Variants in PDZRN3 observed in about 807,000 individuals in gnomAD.
PDZRN3 encodes the protein E3 ubiquitin-protein ligase PDZRN3.
A neutral mutation model predicts 85.7 loss-of-function variants in PDZRN3; 38 were observed. That is an observed-to-expected ratio of 0.44 (90% confidence interval 0.34 to 0.58). The LOEUF is 0.58. Among genes scored for constraint, PDZRN3 ranks in the 20% least tolerant of loss-of-function variants. The pLI is 0.01. For synonymous variants in PDZRN3, 759 were observed against 638.0 expected, an observed-to-expected ratio of 1.19 and a Z score of -2.86; for missense variants, 1,629 against 1,506.4, an observed-to-expected ratio of 1.08 and a Z score of -1.35.
At chr3:73,389,989 TTTTGCACAGAAA>T in intron 6 of PDZRN3, 111 bp from the exon 7 acceptor site, 2 of 811,938 alleles carry the variant, frequency 2.5e-6, no homozygotes, top group Non-Finnish European at 4.3e-6. Flanking sequence ...TGTGTTTCTG[TTTTGCACAGAAA>T]TAAACAAGAC....
chr3:73,480,932 C>T (rs768965724), intron 3 of PDZRN3, among the ~76,000 whole-genome samples: 2 of 152,228 alleles, frequency 1.3e-5, no homozygotes, highest in Admixed American at 1.3e-4. Flanking sequence ...TTTCTGGTCA[C>T]TGATGGCTTG....
At chr3:73,432,211 G>C (rs1483482687) in intron 3 of PDZRN3, among the ~76,000 whole-genome samples, 6 of 152,170 alleles carry the variant, frequency 3.9e-5, no homozygotes, top group Admixed American at 3.9e-4. Flanking sequence ...AGCTCACTGA[G>C]TGGGATAACT....
chr3:73,447,041 C>CTATATATATATA (rs148063336), intron 3 of PDZRN3, among the ~76,000 whole-genome samples: 68 of 140,980 alleles, frequency 4.8e-4, no homozygotes, highest in Non-Finnish European at 9.0e-4. Flanking sequence ...AACCTCTTGA[C>CTATATATATATA]TATATATATA....
At chr3:73,526,027 C>CCAAT (rs940807108) in intron 3 of PDZRN3, among the ~76,000 whole-genome samples, 3 of 152,254 alleles carry the variant, frequency 2.0e-5, no homozygotes, top group African/African-American at 7.2e-5. Context: ...TTGTCGGCTC[C>CCAAT]CAATCTCAGC....
At chr3:73,534,978 C>T (rs1704742880) in intron 3 of PDZRN3, among the ~76,000 whole-genome samples, 1 of 151,870 alleles carries the variant, frequency 6.6e-6, no homozygotes, top group Non-Finnish European at 1.5e-5. Flanking sequence ...TACTTCCCTG[C>T]CCTGGTGATG....
rs1701461390 is a variant in PDZRN3 at position 73,388,991 on chromosome 3, G to A, written c.1416+825C>T. On this transcript the variant is annotated intron_variant, in intron 7 of 9. Coordinates refer to ENST00000263666, the MANE Select transcript of PDZRN3 (RefSeq NM_015009.3). ...TGCTGAGGACCCTGACCCTTCAGGT[G>A]TGAAGGTTTGGGTCACTTCCCTAGG... is the stretch of plus-strand genomic sequence containing the variant. Among the ~76,000 whole-genome samples the A allele has an allele frequency of 2.0e-5, 3 of 150,880 alleles. No homozygotes were observed. The South Asian group carries it at 6.3e-4, about 32-fold the overall frequency.
intron 1 of PDZRN3, among the ~76,000 whole-genome samples, chr3:73,615,634 C>T (rs4677316): frequency 0.12 from 17,556 of 152,172 alleles, 1,123 homozygotes; most frequent in East Asian, 0.19. Context: ...AGTGGGTCCT[C>T]ACCAGACCCT....
At chr3:73,517,877 G>C (rs1284226850) in intron 3 of PDZRN3, among the ~76,000 whole-genome samples, 1 of 152,202 alleles carries the variant, frequency 6.6e-6, no homozygotes, top group Admixed American at 6.5e-5. Context: ...CATACAGATA[G>C]GGCAATTATA....
rs377428070 is a variant in PDZRN3 at position 73,512,582 on chromosome 3, C to G, written c.918+89772G>C. On this transcript the variant is annotated intron_variant, in intron 3 of 9. Coordinates refer to ENST00000263666, the MANE Select transcript of PDZRN3 (RefSeq NM_015009.3). ...CAACTCTCTCCTTCCATAAATAAAG[C>G]CCAAATTGCACTTGTTGTCTAAAAA... 3.6e-4 allele frequency among the ~76,000 whole-genome samples: 55 copies of G among 151,804 alleles called. 4 individuals are homozygous for G. Among genetic ancestry groups the G allele is most frequent in the Admixed American group, 1.8e-3 (27 of 15,264 alleles).
intron 4 of PDZRN3, among the ~76,000 whole-genome samples, chr3:73,401,304 CT>C (rs1264173125): frequency 4.6e-5 from 7 of 152,172 alleles, no homozygotes; most frequent in Non-Finnish European, 1.0e-4. Context: ...TTCAGCGTGA[CT>C]GATTTCTAAC....
intron 3 of PDZRN3, among the ~76,000 whole-genome samples, chr3:73,504,172 A>G (rs1021580345): frequency 2.6e-5 from 4 of 152,172 alleles, no homozygotes; most frequent in African/African-American, 9.7e-5. Flanking sequence ...CCTCATTCTC[A>G]CAATTAAAAC....
intron 3 of PDZRN3, among the ~76,000 whole-genome samples, chr3:73,483,167 A>C (rs1352665919): frequency 3.9e-5 from 6 of 152,238 alleles, no homozygotes; most frequent in African/African-American, 1.4e-4. Flanking sequence ...TGCTCAAAGC[A>C]CTCAGAAAGG....
chr3:73,405,444 T>C (rs1701833824), intron 3 of PDZRN3, among the ~76,000 whole-genome samples: 2 of 152,232 alleles, frequency 1.3e-5, no homozygotes, highest in African/African-American at 4.8e-5. Context: ...TAACATCTTA[T>C]GATTGGACTG....
At chr3:73,505,699 T>G (rs2106695375) in intron 3 of PDZRN3, among the ~76,000 whole-genome samples, 1 of 152,272 alleles carries the variant, frequency 6.6e-6, no homozygotes, top group East Asian at 1.9e-4. Context: ...AGAAACTTAC[T>G]GGGTATCAGA....
chr3:73,499,249 C>T (rs12632758), intron 3 of PDZRN3, among the ~76,000 whole-genome samples: 61,943 of 152,006 alleles, frequency 0.41, 14,050 homozygotes, highest in East Asian at 0.66. Context: ...TGAAGACCGG[C>T]GAGTCCTGAT....
intron 3 of PDZRN3, among the ~76,000 whole-genome samples, chr3:73,535,135 C>CA (rs1575717594): frequency 1.3e-5 from 2 of 152,234 alleles, no homozygotes; most frequent in Admixed American, 1.3e-4. Context: ...ACCCAGGTGG[C>CA]AGGCTGCTCC....
chr3:73,452,271 C>A (rs1024107333), intron 3 of PDZRN3, among the ~76,000 whole-genome samples: 1 of 152,004 alleles, frequency 6.6e-6, no homozygotes, highest in Non-Finnish European at 1.5e-5. Context: ...AGGTTAGTAG[C>A]ACGGTCTCAA....
At chr3:73,484,851 G>A (rs184930217) in intron 3 of PDZRN3, among the ~76,000 whole-genome samples, 1 of 152,280 alleles carries the variant, frequency 6.6e-6, no homozygotes, top group East Asian at 1.9e-4. Context: ...GCATATGAAA[G>A]TCCTAGAAGC....
intron 3 of PDZRN3, among the ~76,000 whole-genome samples, chr3:73,515,901 G>C (rs1704248039): frequency 1.3e-5 from 2 of 152,128 alleles, no homozygotes; most frequent in Admixed American, 1.3e-4. Context: ...TAAAACAACA[G>C]TCCCCAAAGT....
Sources: gnomAD v4.1 joint callset for allele counts (sites outside exome capture counted in the v4.1 genomes callset) on GRCh38, gnomAD v4.1.1 for gene constraint, MANE v1.5 for transcripts, NCBI Gene and HGNC (gene_info 2026-07-23, HGNC 2026-07-21) for gene names.